Variants in HMGA2 observed in about 807,000 individuals in gnomAD.
The protein encoded by HMGA2 is high mobility group protein HMGI-C.
In HMGA2, 8 loss-of-function variants were observed where a neutral mutation model predicts 19.1. That is an observed-to-expected ratio of 0.42 (90% CI 0.25 to 0.76). The LOEUF (loss-of-function observed/expected upper bound fraction) is 0.76, where lower values mean the gene tolerates loss of function less well. Ranked by LOEUF, HMGA2 falls within the 30% of genes least tolerant of loss-of-function variation. HMGA2 has a pLI of 0.28. For missense variants in HMGA2, 109 were observed against 136.3 expected (o/e 0.80, Z 1.00); for synonymous variants, 60 against 48.8 (o/e 1.23, Z -0.96).
intron 3 of HMGA2, among the ~76,000 whole-genome samples, chr12:65,860,822 G>A (rs1872020976): frequency 6.6e-6 from 1 of 152,164 alleles, no homozygotes; most frequent in South Asian, 2.1e-4. Flanking sequence ...AGTGACATTA[G>A]CACTGCTACT....
chr12:65,938,733 C>T (rs1875980366), intron 3 of HMGA2, among the ~76,000 whole-genome samples: 1 of 152,096 alleles, frequency 6.6e-6, no homozygotes, highest in Non-Finnish European at 1.5e-5. Context: ...ATGGCAGCCT[C>T]GACCTCCCCA....
At chr12:65,833,404 A>G (rs1870558513) in intron 2 of HMGA2, among the ~76,000 whole-genome samples, 1 of 134,792 alleles carries the variant, frequency 7.4e-6, no homozygotes, top group South Asian at 2.4e-4. Flanking sequence ...ACACCCAAAT[A>G]TTTTTCTAGT....
intron 3 of HMGA2, among the ~76,000 whole-genome samples, chr12:65,865,801 A>ATT (rs777343534): frequency 1.4e-5 from 2 of 142,752 alleles, no homozygotes; most frequent in African/African-American, 2.6e-5. Flanking sequence ...CGCCCGGCTA[A>ATT]TTTTTTTTTT....
At chr12:65,944,671 C>G (rs149920392) in intron 3 of HMGA2, among the ~76,000 whole-genome samples, 2 of 152,120 alleles carry the variant, frequency 1.3e-5, no homozygotes, top group South Asian at 4.2e-4. Context: ...ATTAGAAAGA[C>G]CTTATCTTGA....
intron 4 of HMGA2, among the ~76,000 whole-genome samples, chr12:65,962,156 A>G (rs1876769387): frequency 1.3e-5 from 2 of 152,208 alleles, no homozygotes; most frequent in African/African-American, 2.4e-5. Flanking sequence ...TCTTTTTCAC[A>G]TGCCGTCTTA....
chr12:65,900,420 TC>T (rs1345748244), intron 3 of HMGA2, among the ~76,000 whole-genome samples: 2 of 152,328 alleles, frequency 1.3e-5, no homozygotes, highest in South Asian at 2.1e-4. Flanking sequence ...TAGAATCTGT[TC>T]CTAGGTCACA....
At chr12:65,870,017 C>CAA (rs796434526) in intron 3 of HMGA2, among the ~76,000 whole-genome samples, 2 of 127,346 alleles carry the variant, frequency 1.6e-5, no homozygotes, top group African/African-American at 5.7e-5. Flanking sequence ...TCATGATTTG[C>CAA]AAAAAAAAAA....
rs541862452 is a variant in HMGA2 at position 65,873,265 on chromosome 12, T to A, written c.249+34696T>A. On this transcript the variant is annotated intron_variant, in intron 3 of 4. Coordinates refer to ENST00000403681, the MANE Select transcript of HMGA2 (RefSeq NM_003483.6). ...AAAAAGTATCCAAAGAATGAATGTG[T>A]CCAAGCCATGTGTCTGCACCTGTAC... Among the ~76,000 whole-genome samples the A allele has an allele frequency of 3.3e-5, 5 of 152,374 alleles. No homozygotes were observed. The South Asian group carries it at 8.3e-4, about 25-fold the overall frequency.
At chr12:65,923,236 T>C (rs1425853477) in intron 3 of HMGA2, among the ~76,000 whole-genome samples, 1 of 151,886 alleles carries the variant, frequency 6.6e-6, no homozygotes, top group Non-Finnish European at 1.5e-5. Context: ...GAAAAAAAAA[T>C]CCCTATGGCT....
At chr12:65,915,725 C>A (rs1342729889) in intron 3 of HMGA2, among the ~76,000 whole-genome samples, 1 of 152,154 alleles carries the variant, frequency 6.6e-6, no homozygotes, top group South Asian at 2.1e-4. Flanking sequence ...CCTTGACTTA[C>A]ATTTTTTTGT....
intron 3 of HMGA2, among the ~76,000 whole-genome samples, chr12:65,944,765 A>C (rs1472954072): frequency 6.6e-6 from 1 of 152,168 alleles, no homozygotes; most frequent in Non-Finnish European, 1.5e-5. Flanking sequence ...GCTCAACCTG[A>C]TAGTATGAGT....
intron 3 of HMGA2, among the ~76,000 whole-genome samples, chr12:65,921,762 C>T (rs1875322699): frequency 2.0e-5 from 3 of 152,224 alleles, no homozygotes; most frequent in Admixed American, 1.3e-4. Flanking sequence ...CCCCTCCCAT[C>T]ACAGGCCTGG....
intron 3 of HMGA2, chr12:65,859,293 A>G (rs1224094731): frequency 6.6e-6 from 1 of 152,058 alleles, no homozygotes; most frequent in Non-Finnish European, 1.5e-5. Context: ...TGATCACCCT[A>G]CCTACAGTCT....
intron 3 of HMGA2, among the ~76,000 whole-genome samples, chr12:65,935,463 C>T (rs367832859): frequency 2.0e-5 from 3 of 151,828 alleles, no homozygotes; most frequent in Admixed American, 6.6e-5. Context: ...TATACATGCT[C>T]GTTATAGCCT....
intron 3 of HMGA2, among the ~76,000 whole-genome samples, chr12:65,932,765 T>G (rs552706810): frequency 5.3e-5 from 8 of 152,264 alleles, no homozygotes; most frequent in African/African-American, 1.9e-4. Context: ...TCTCTAGAAA[T>G]TGGAGGGAAA....
chr12:65,930,708 TAA>T (rs1875678959), intron 3 of HMGA2, among the ~76,000 whole-genome samples: 1 of 152,206 alleles, frequency 6.6e-6, no homozygotes, highest in Non-Finnish European at 1.5e-5. Context: ...GGTATTTCCT[TAA>T]TATATTGTTT....
intron 3 of HMGA2, among the ~76,000 whole-genome samples, chr12:65,885,399 C>G (rs1420710516): frequency 6.6e-6 from 1 of 152,088 alleles, no homozygotes; most frequent in Non-Finnish European, 1.5e-5. Flanking sequence ...ACTCGTCTTC[C>G]TGGGAAATGT....
intron 3 of HMGA2, among the ~76,000 whole-genome samples, chr12:65,934,317 T>C (rs573382654): frequency 6.6e-6 from 1 of 152,322 alleles, no homozygotes; most frequent in Admixed American, 6.5e-5. Flanking sequence ...CATTTTCCCA[T>C]GCTCACTTTT....
At chr12:65,847,128 G>A (rs958979682) in intron 3 of HMGA2, among the ~76,000 whole-genome samples, 2 of 152,076 alleles carry the variant, frequency 1.3e-5, no homozygotes, top group African/African-American at 4.8e-5. Flanking sequence ...TGAATTGGTT[G>A]TGCTATGTGC....
Sources: allele counts gnomAD v4.1 joint callset (sites outside exome capture counted in the v4.1 genomes callset), GRCh38; gene constraint gnomAD v4.1.1; transcripts MANE v1.5; gene names NCBI Gene and HGNC (gene_info 2026-07-23, HGNC 2026-07-21).